The following TNNI3K variants were observed in gnomAD, a reference collection of about 807,000 sequenced individuals.
TNNI3K encodes serine/threonine-protein kinase TNNI3K.
TNNI3K carries 140 observed loss-of-function variants against 114.5 expected under a neutral mutation model. That is an observed-to-expected ratio of 1.22 (90% CI 1.07 to 1.41). TNNI3K has a LOEUF of 1.41. Among genes scored for constraint, TNNI3K ranks in the 40% most tolerant of loss-of-function variants. The probability of loss-of-function intolerance (pLI) is 0.00; values close to 1 mark genes in which losing one functional copy is unlikely to be tolerated. For synonymous variants in TNNI3K, 347 were observed against 347.5 expected (o/e 1.00, Z 0.02); for missense variants, 1,125 against 1,007.6 (o/e 1.12, Z -1.58).
At chr1:74,305,028 T>C (rs1316370980) in intron 5 of TNNI3K, among the ~76,000 whole-genome samples, 1 of 152,140 alleles carries the variant, frequency 6.6e-6, no homozygotes, top group African/African-American at 2.4e-5. Flanking sequence ...ATTATAATAA[T>C]ATGGTAATGA....
chr1:74,377,382 A>G (rs1179507952), intron 17 of TNNI3K, among the ~76,000 whole-genome samples: 2 of 151,996 alleles, frequency 1.3e-5, no homozygotes, highest in South Asian at 2.1e-4. Flanking sequence ...GGCAGTTTCC[A>G]TGGGAGTTGT....
chr1:74,324,607 A>G (rs1659801261), intron 5 of TNNI3K, among the ~76,000 whole-genome samples: 1 of 152,178 alleles, frequency 6.6e-6, no homozygotes, highest in Non-Finnish European at 1.5e-5. Flanking sequence ...CAGATCTCAG[A>G]AAGAAGAGGG....
intron 9 of TNNI3K, among the ~76,000 whole-genome samples, chr1:74,352,431 A>G (rs1043978251): frequency 6.6e-6 from 1 of 152,188 alleles, no homozygotes; most frequent in Non-Finnish European, 1.5e-5. Flanking sequence ...CCACTTGAGG[A>G]GGCAGTCTGC....
chr1:74,338,614 C>T (rs1192755238), intron 7 of TNNI3K, among the ~76,000 whole-genome samples: 1 of 151,834 alleles, frequency 6.6e-6, no homozygotes, highest in Non-Finnish European at 1.5e-5. Context: ...TCTGGAACTG[C>T]CAGTTCCTTG....
chr1:74,349,345 T>G (rs1661199963), intron 9 of TNNI3K, among the ~76,000 whole-genome samples: 1 of 152,170 alleles, frequency 6.6e-6, no homozygotes. Flanking sequence ...TGGATAAGCT[T>G]TTTAATGTGT....
At chr1:74,419,380 A>G (rs958294228) in intron 17 of TNNI3K, among the ~76,000 whole-genome samples, 2 of 152,144 alleles carry the variant, frequency 1.3e-5, no homozygotes, top group African/African-American at 4.8e-5. Context: ...CCTTTTATCC[A>G]AATAAGATAA....
At chr1:74,507,274 C>A (rs1220845103) in intron 23 of TNNI3K, among the ~76,000 whole-genome samples, 1 of 136,020 alleles carries the variant, frequency 7.4e-6, no homozygotes, top group East Asian at 2.6e-4. Flanking sequence ...TCAATTAAGA[C>A]CAAGTTCAAT....
intron 24 of TNNI3K, among the ~76,000 whole-genome samples, chr1:74,542,343 A>G (rs1646737106): frequency 6.6e-6 from 1 of 152,236 alleles, no homozygotes; most frequent in Non-Finnish European, 1.5e-5. Flanking sequence ...AAGTATTACA[A>G]GCTTATGGAA....
chr1:74,249,453 T>G lies in TNNI3K; in HGVS notation c.150-6T>G. 6.2e-7 allele frequency: 1 copy of G among 1,610,904 alleles called. No homozygotes were observed. Among genetic ancestry groups the G allele is most frequent in the East Asian group, 2.2e-5 (1 of 44,742 alleles). ...TTTGTGATCATCTGTAACATGTTTT[T>G]TTCAGCTCTGATGAAGCCTTCAGTA... is the stretch of plus-strand genomic sequence containing the variant. On this transcript the variant is annotated splice_polypyrimidine_tract_variant and splice_region_variant and intron_variant, in intron 2 of 24. Coordinates refer to ENST00000326637, the MANE Select transcript of TNNI3K (RefSeq NM_015978.3).
intron 4 of TNNI3K, among the ~76,000 whole-genome samples, chr1:74,254,424 T>A (rs991724519): frequency 6.6e-6 from 1 of 152,192 alleles, no homozygotes; most frequent in Non-Finnish European, 1.5e-5. Flanking sequence ...ATCATGCATT[T>A]TCAGTTTTCT....
Position 74,369,447 on chromosome 1 carries a change from T to A in TNNI3K, c.1529T>A (p.Val510Glu). The A allele has an allele frequency of 6.2e-7, 1 of 1,612,534 alleles. No homozygotes were observed. Among genetic ancestry groups the A allele is most frequent in the Non-Finnish European group, 8.5e-7 (1 of 1,179,158 alleles). The change falls in exon 16 of 25, where the codon GTG becomes GAG. Residue 510 changes from valine to glutamate, a missense_variant. Coordinates refer to ENST00000326637, the MANE Select transcript of TNNI3K (RefSeq NM_015978.3). ...GATGTGGATATGTTTTGCCGAGAGG[T>A]GTCCATTCTCTGCCAGCTCAATCAT... The part of the protein sequence containing the change: ...KSDVDMFCRE[V>E]SILCQLNHPC...
chr1:74,538,339 G>C (rs915887861), intron 23 of TNNI3K, among the ~76,000 whole-genome samples: 2 of 151,974 alleles, frequency 1.3e-5, no homozygotes, highest in African/African-American at 2.4e-5. Context: ...AAGACCCTTT[G>C]GGGGGAGTAT....
chr1:74,461,043 A>G (rs1667432733), intron 20 of TNNI3K, among the ~76,000 whole-genome samples: 2 of 152,006 alleles, frequency 1.3e-5, no homozygotes, highest in African/African-American at 4.8e-5. Flanking sequence ...TGTGCTCACC[A>G]TACTGGCTTA....
intron 23 of TNNI3K, among the ~76,000 whole-genome samples, chr1:74,532,859 CA>C (rs1646607831): frequency 6.6e-6 from 1 of 152,022 alleles, no homozygotes; most frequent in Non-Finnish European, 1.5e-5. Flanking sequence ...ACTGGCTAGC[CA>C]TATGTAGAAA....
At chr1:74,506,675 T>A (rs184069522) in intron 23 of TNNI3K, among the ~76,000 whole-genome samples, 45 of 152,314 alleles carry the variant, frequency 3.0e-4, no homozygotes, top group Non-Finnish European at 5.6e-4. Context: ...ACCTGCCGAA[T>A]CTGCATTTTA....
chr1:74,336,070 T>C lies in TNNI3K; in HGVS notation c.603T>C (p.Asp201=). The C allele has an allele frequency of 6.2e-6, 10 of 1,602,680 alleles. No individual in the cohort carries two copies. The highest frequency in any genetic ancestry group is 8.5e-6 in the Non-Finnish European group (10 of 1,176,800). Residue 201 remains aspartate, a synonymous_variant, in exon 7 of 25, where the codon GAT becomes GAC. Transcript: ENST00000326637. ...ADVNVSGEVG[D]RPLHLASAKG... ...TAAATGTAAGTGGTGAAGTTGGAGA[T>C]AGACCCCTCCACCTAGCATCTGCAA...
At chr1:74,397,913 T>C (rs1664168774) in intron 17 of TNNI3K, among the ~76,000 whole-genome samples, 1 of 152,252 alleles carries the variant, frequency 6.6e-6, no homozygotes, top group Admixed American at 6.5e-5. Flanking sequence ...GCGCTATATA[T>C]AGTGATTCCA....
chr1:74,263,484 A>G (rs1355289525), intron 4 of TNNI3K, among the ~76,000 whole-genome samples: 1 of 152,016 alleles, frequency 6.6e-6, no homozygotes, highest in African/African-American at 2.4e-5. Context: ...GTTCTCTGGT[A>G]ACTGGGGGGA....
At position 74,250,802 on chromosome 1, in the gene TNNI3K, T is replaced by C. The variant is rs1367294508; in HGVS notation, c.333+33T>C. On this transcript the variant is annotated intron_variant, in intron 4 of 24. Transcript: ENST00000326637. ...ACTTTAATTCCCATAAACACTGCAT[T>C]GGAACTAAGGATAGTGTGTATCTTT... 4 of 1,507,860 alleles carry C rather than the reference T, an allele frequency of 2.7e-6. No homozygotes were observed. In the Admixed American group the frequency reaches 8.0e-5, roughly 30 times the overall value. 93.4% of individuals were successfully genotyped at this position (1,507,860 alleles called of 1,614,324 possible).
Sources: allele counts gnomAD v4.1 joint callset (sites outside exome capture counted in the v4.1 genomes callset), GRCh38; gene constraint gnomAD v4.1.1; transcripts MANE v1.5; gene names NCBI Gene and HGNC (gene_info 2026-07-23, HGNC 2026-07-21).